The following NRXN1 variants were observed in gnomAD, a reference collection of about 807,000 sequenced individuals.
The protein encoded by NRXN1 is neurexin-1.
In NRXN1, 39 loss-of-function variants were observed where a neutral mutation model predicts 150.9. The observed-to-expected ratio is 0.26, with a 90% confidence interval of 0.20 to 0.34. The LOEUF (loss-of-function observed/expected upper bound fraction) is 0.34. NRXN1 is among the 10% of genes least tolerant of loss of function. The probability of loss-of-function intolerance (pLI) is 1.00; values close to 1 mark genes in which losing one functional copy is unlikely to be tolerated. For missense variants in NRXN1, 1,815 were observed against 1,949.9 expected, an observed-to-expected ratio of 0.93 and a Z score of 1.30; for synonymous variants, 924 against 757.0, an observed-to-expected ratio of 1.22 and a Z score of -3.62.
At chr2:50,144,679 TAAACAGGGCCAATAA>T (rs1707756897) in intron 18 of NRXN1, among the ~76,000 whole-genome samples, 1 of 151,788 alleles carries the variant, frequency 6.6e-6, no homozygotes, top group African/African-American at 2.4e-5. Context: ...AATCAATCAT[TAAACAGGGCCAATAA>T]AAACAGGGCT....
chr2:50,157,085 G>A (rs532883550), intron 18 of NRXN1, among the ~76,000 whole-genome samples: 1 of 151,958 alleles, frequency 6.6e-6, no homozygotes, highest in African/African-American at 2.4e-5. Context: ...GAGGTACACA[G>A]GTGGGGCAGG....
At chr2:50,852,901 C>A (rs1298577978) in intron 5 of NRXN1, among the ~76,000 whole-genome samples, 3 of 152,108 alleles carry the variant, frequency 2.0e-5, no homozygotes, top group Admixed American at 2.0e-4. Context: ...TTTCCTCTTG[C>A]CATCTAACAA....
rs112798216 is a variant in NRXN1 at position 50,955,057 on chromosome 2, T to A, written c.773-29102A>T. Among the ~76,000 whole-genome samples the A allele has an allele frequency of 1.9e-3, 288 of 152,242 alleles. 4 individuals are homozygous for A. Among genetic ancestry groups the A allele is most frequent in the African/African-American group, 6.7e-3 (280 of 41,556 alleles). On this transcript the variant is annotated intron_variant, in intron 2 of 22. Coordinates refer to ENST00000401669, the MANE Select transcript of NRXN1 (RefSeq NM_001330078.2). ...GAAGCAGGTGCAGGGTGTATTTCCT[T>A]CATTTCTACTCATCTCTCTCTCTCT...
chr2:50,101,100 A>AT (rs561283211), intron 18 of NRXN1, among the ~76,000 whole-genome samples: 166 of 152,090 alleles, frequency 1.1e-3, no homozygotes, highest in Middle Eastern at 3.4e-3. Context: ...GTTTTTGTTC[A>AT]TTTTTTTATA....
chr2:50,639,280 G>C (rs1482159596), intron 5 of NRXN1, among the ~76,000 whole-genome samples: 1 of 148,314 alleles, frequency 6.7e-6, no homozygotes, highest in Non-Finnish European at 1.5e-5. Flanking sequence ...GAGTGCAGTG[G>C]CATGATCTCA....
chr2:50,525,074 C>T (rs1262115521), intron 12 of NRXN1, among the ~76,000 whole-genome samples: 1 of 152,076 alleles, frequency 6.6e-6, no homozygotes, highest in Non-Finnish European at 1.5e-5. Flanking sequence ...ATTTCACAAG[C>T]AATAGAAAAT....
chr2:50,702,787 A>T (rs1693932633), intron 5 of NRXN1, among the ~76,000 whole-genome samples: 1 of 152,134 alleles, frequency 6.6e-6, no homozygotes, highest in Non-Finnish European at 1.5e-5. Context: ...TTTTTATTGC[A>T]ACATATAATG....
chr2:51,000,267 C>T (rs1182702365), intron 2 of NRXN1, among the ~76,000 whole-genome samples: 1 of 152,022 alleles, frequency 6.6e-6, no homozygotes, highest in Non-Finnish European at 1.5e-5. Flanking sequence ...CCGCCCTTAT[C>T]CATTCTCTAT....
At chr2:51,023,374 T>C (rs1430471335) in intron 2 of NRXN1, among the ~76,000 whole-genome samples, 2 of 152,198 alleles carry the variant, frequency 1.3e-5, no homozygotes, top group Admixed American at 6.5e-5. Flanking sequence ...TCCTCTCAAG[T>C]AGGGAGTTAG....
chr2:50,750,364 C>A (rs1447804077), intron 5 of NRXN1, among the ~76,000 whole-genome samples: 1 of 151,430 alleles, frequency 6.6e-6, no homozygotes, highest in East Asian at 1.9e-4. Flanking sequence ...AAAAATGTCA[C>A]AGAAAACCTG....
At chr2:50,754,652 C>T (rs1700974182) in intron 5 of NRXN1, among the ~76,000 whole-genome samples, 3 of 151,918 alleles carry the variant, frequency 2.0e-5, no homozygotes, top group East Asian at 1.9e-4. Flanking sequence ...TATCAAGCTA[C>T]AGTCCACTCT....
chr2:50,865,934 T>G (rs903360184), intron 5 of NRXN1, among the ~76,000 whole-genome samples: 19 of 151,526 alleles, frequency 1.3e-4, no homozygotes, highest in African/African-American at 3.9e-4. Flanking sequence ...GTCTCAGACC[T>G]TGGAGAACTT....
In NRXN1 at chr2:50,237,095, T is replaced by C. The variant is rs146340062; in HGVS notation, c.3365-125A>G. 599 of 958,716 alleles carry C rather than the reference T, an allele frequency of 6.2e-4. 2 individuals carry two copies. The African/African-American group carries it at 8.5e-3, about 14-fold the overall frequency. The allele number at this position is 958,716 out of a possible 1,614,324, so 59.4% of individuals were successfully genotyped here. On this transcript the variant is annotated intron_variant, in intron 17 of 22. Coordinates refer to ENST00000401669, the MANE Select transcript of NRXN1 (RefSeq NM_001330078.2). ...CACAAAACTATGGCAAAGTAAATCA[T>C]AGATTTCAATCAAATGTGCTCAAGA...
chr2:50,160,251 G>C (rs1016811332), intron 18 of NRXN1, among the ~76,000 whole-genome samples: 5 of 151,876 alleles, frequency 3.3e-5, no homozygotes, highest in African/African-American at 1.2e-4. Flanking sequence ...TTAAAAAAAG[G>C]CTTTCTGGGC....
intron 5 of NRXN1, among the ~76,000 whole-genome samples, chr2:50,787,362 C>A (rs1047028646): frequency 6.6e-6 from 1 of 151,914 alleles, no homozygotes; most frequent in South Asian, 2.1e-4. Flanking sequence ...GAGTTCGAGA[C>A]CAGCCTTGAC....
chr2:50,925,640 T>TA (rs1279705481), intron 3 of NRXN1, among the ~76,000 whole-genome samples: 4 of 151,798 alleles, frequency 2.6e-5, no homozygotes, highest in Admixed American at 6.6e-5. Context: ...TCTTTTAAAG[T>TA]AAAAAAAGCA....
At chr2:49,982,137 C>T (rs1680085850) in intron 21 of NRXN1, among the ~76,000 whole-genome samples, 1 of 151,972 alleles carries the variant, frequency 6.6e-6, no homozygotes, top group Admixed American at 6.6e-5. Context: ...CCGGGTCATC[C>T]AATTCAATTA....
At chr2:50,512,722 C>A (rs1343855822) in intron 12 of NRXN1, among the ~76,000 whole-genome samples, 1 of 152,114 alleles carries the variant, frequency 6.6e-6, no homozygotes, top group Admixed American at 6.6e-5. Flanking sequence ...GGTAAACATT[C>A]TTTGACCTTT....
intron 5 of NRXN1, among the ~76,000 whole-genome samples, chr2:50,627,870 C>T (rs1681449662): frequency 6.6e-6 from 1 of 151,468 alleles, no homozygotes; most frequent in Admixed American, 6.6e-5. Context: ...GTCTAACATG[C>T]CACAACACCT....
Sources: allele counts gnomAD v4.1 joint callset (sites outside exome capture counted in the v4.1 genomes callset), GRCh38; gene constraint gnomAD v4.1.1; transcripts MANE v1.5; gene names NCBI Gene and HGNC (gene_info 2026-07-23, HGNC 2026-07-21).